Variants in LMOD1 observed in about 807,000 individuals in gnomAD.
LMOD1 encodes leiomodin-1.
Under a neutral mutation model 36.5 loss-of-function variants are expected in LMOD1, and 8 were observed. That is an observed-to-expected ratio of 0.22 (90% CI 0.13 to 0.40). The LOEUF is 0.40. Among genes scored for constraint, LMOD1 ranks in the 10% least tolerant of loss-of-function variants. LMOD1 has a pLI of 1.00. For missense variants in LMOD1, 630 were observed against 751.1 expected (o/e 0.84, Z 1.88); for synonymous variants, 284 against 288.7 (o/e 0.98, Z 0.17).
Position 201,896,542 on chromosome 1 carries a change from G to T in LMOD1, c.*1830C>A, listed in dbSNP as rs1335218933. Reference sequence around the variant, plus strand: ...ATTCTATCTGCAAAATAGAATATTGGTATCCACCTCACAGAGTTGAAGGAT... The same window carrying T: ...ATTCTATCTGCAAAATAGAATATTGTTATCCACCTCACAGAGTTGAAGGAT... On this transcript the variant is annotated 3_prime_UTR_variant, in exon 3 of 3. Coordinates refer to ENST00000367288, the MANE Select transcript of LMOD1 (RefSeq NM_012134.3). 2.2e-6 allele frequency: 1 copy of T among 456,600 alleles called. No individual in the cohort carries two copies. The allele number at this position is 456,600 out of a possible 1,614,324, so 28.3% of individuals were successfully genotyped here. A position where few individuals can be genotyped will look rare whatever the true frequency, so the allele number is the denominator to read the frequency against.
Position 201,900,652 on chromosome 1 carries a change from G to A in LMOD1, c.361C>T (p.Leu121=). 6.2e-7 allele frequency: 1 copy of A among 1,613,778 alleles called. No homozygotes were observed. Among genetic ancestry groups the A allele is most frequent in the Non-Finnish European group, 8.5e-7 (1 of 1,179,894 alleles). ...KALGPRRDSD[L]GKEPKRGGLK... is the part of the protein sequence containing the mutation. ...CCACCCCTCTTTGGCTCCTTCCCCAGATCTGAGTCCCGTCTGGGGCCCAGG... is the reference window on the plus strand; with the variant it reads ...CCACCCCTCTTTGGCTCCTTCCCCAAATCTGAGTCCCGTCTGGGGCCCAGG... The change falls in exon 2 of 3, where the codon CTG becomes TTG. Residue 121 remains leucine (L), a synonymous_variant. Coordinates refer to ENST00000367288, the MANE Select transcript of LMOD1 (RefSeq NM_012134.3).
At chr1:201,912,405 A>T (rs1464287666) in intron 1 of LMOD1, among the ~76,000 whole-genome samples, 3 of 136,620 alleles carry the variant, frequency 2.2e-5, no homozygotes, top group Non-Finnish European at 4.7e-5. Flanking sequence ...AGCTCCCTTC[A>T]CTCCCTCCCT....
intron 1 of LMOD1, among the ~76,000 whole-genome samples, chr1:201,943,333 G>GT (rs1682151646): frequency 6.6e-6 from 1 of 152,214 alleles, no homozygotes; most frequent in Non-Finnish European, 1.5e-5. Flanking sequence ...CCCAAGAATC[G>GT]TAAGGCTTAA....
chr1:201,896,786 A>G lies in LMOD1; in HGVS notation c.*1586T>C. On this transcript the variant is annotated 3_prime_UTR_variant, in exon 3 of 3. Transcript: ENST00000367288. ...GGTGACAGGCAAGTGGGTGGAGGGA[A>G]TGGAGAAGAGTGTACCCTGGGATCT... 6.6e-6 allele frequency: 3 copies of G among 452,692 alleles called. No individual in the cohort carries two copies. Among genetic ancestry groups the G allele is most frequent in the South Asian group, 3.1e-5 (2 of 64,322 alleles). 28.0% of individuals were successfully genotyped at this position (452,692 alleles called of 1,614,324 possible). A position where few individuals can be genotyped will look rare whatever the true frequency, so the allele number is the denominator to read the frequency against.
chr1:201,941,119 T>C (rs889936672), intron 1 of LMOD1, among the ~76,000 whole-genome samples: 1 of 151,758 alleles, frequency 6.6e-6, no homozygotes, highest in Admixed American at 6.6e-5. Context: ...TCTTTTTTTT[T>C]AATTTAATTT....
chr1:201,936,195 G>T (rs969514047), intron 1 of LMOD1, among the ~76,000 whole-genome samples: 28 of 150,574 alleles, frequency 1.9e-4, no homozygotes, highest in Non-Finnish European at 2.9e-4. Context: ...GCATCAGCCA[G>T]TTTCCATTTC....
chr1:201,927,333 C>T (rs889496618), intron 1 of LMOD1, among the ~76,000 whole-genome samples: 4 of 152,134 alleles, frequency 2.6e-5, no homozygotes, highest in Non-Finnish European at 4.4e-5. Flanking sequence ...TTTGGGAGGC[C>T]GAGGTGGGAG....
At chr1:201,902,936 G>A (rs1005143579) in intron 1 of LMOD1, among the ~76,000 whole-genome samples, 4 of 152,218 alleles carry the variant, frequency 2.6e-5, no homozygotes, top group Non-Finnish European at 5.9e-5. Flanking sequence ...CTGTCCAACT[G>A]TGACCCCAGA....
In LMOD1 at chr1:201,900,186, G is replaced by T; in HGVS notation, c.827C>A (p.Pro276His). ...KDDEKVKKNE[P>H]LHEKEAKDDS... The stretch of plus-strand genomic sequence containing the variant: ...ATCCTTGGCTTCCTTTTCATGTAAG[G>T]GTTCATTCTTCTTGACTTTTTCATC... The change falls in exon 2 of 3, where the codon CCC becomes CAC. Residue 276 changes from proline to histidine, a missense_variant. Coordinates refer to ENST00000367288, the MANE Select transcript of LMOD1 (RefSeq NM_012134.3). The T allele has an allele frequency of 1.2e-6, 2 of 1,613,826 alleles. No homozygotes were observed. The highest frequency in any genetic ancestry group is 1.7e-6 in the Non-Finnish European group (2 of 1,179,856).
rs561082019 is a variant in LMOD1 at position 201,917,701 on chromosome 1, C to T, written c.262-16950G>A. Among the ~76,000 whole-genome samples the T allele has an allele frequency of 8.3e-4, 127 of 152,332 alleles. 1 individual carries two copies. The highest frequency in any genetic ancestry group is 1.8e-3 in the Admixed American group (28 of 15,308). ...GCCTGGCTAGTACTTTCTGCTTCTT[C>T]ATTTTATCCCAGCACCAAGGAAAAC... is the stretch of plus-strand genomic sequence containing the variant. On this transcript the variant is annotated intron_variant, in intron 1 of 2. Transcript: ENST00000367288.
chr1:201,926,278 C>T (rs985658815), intron 1 of LMOD1, among the ~76,000 whole-genome samples: 1 of 152,104 alleles, frequency 6.6e-6, no homozygotes, highest in Non-Finnish European at 1.5e-5. Context: ...GTTTCCAGTG[C>T]CCAGTGAGTC....
chr1:201,918,228 C>T (rs1185110635), intron 1 of LMOD1, among the ~76,000 whole-genome samples: 1 of 152,186 alleles, frequency 6.6e-6, no homozygotes, highest in African/African-American at 2.4e-5. Context: ...ACCACGTTCC[C>T]TTCATCCCAC....
intron 1 of LMOD1, among the ~76,000 whole-genome samples, chr1:201,914,492 G>A (rs779476781): frequency 6.6e-6 from 1 of 152,242 alleles, no homozygotes; most frequent in East Asian, 1.9e-4. Flanking sequence ...TGCACAGGAA[G>A]CTTTCAATAA....
intron 1 of LMOD1, among the ~76,000 whole-genome samples, chr1:201,908,780 A>G (rs372415565): frequency 4.0e-4 from 61 of 152,174 alleles, no homozygotes; most frequent in African/African-American, 1.4e-3. Context: ...CCATCCCCAA[A>G]TAACCCACAT....
At chr1:201,936,623 CTCCTTCGG>C (rs2102929851) in intron 1 of LMOD1, among the ~76,000 whole-genome samples, 1 of 152,230 alleles carries the variant, frequency 6.6e-6, no homozygotes, top group South Asian at 2.1e-4. Context: ...CCAAGGCTAG[CTCCTTCGG>C]TCCATTTAGA....
In LMOD1 at chr1:201,896,635, A is replaced by G. The variant is rs8028; in HGVS notation, c.*1737T>C. On this transcript the variant is annotated 3_prime_UTR_variant, in exon 3 of 3. Coordinates refer to ENST00000367288, the MANE Select transcript of LMOD1 (RefSeq NM_012134.3). ...AGCAGGCACAGGGGGGTGCAGTGGG[A>G]CTGACAGTGAGGGCTGACAGTGGAA... is the stretch of plus-strand genomic sequence containing the variant. The G allele has an allele frequency of 0.71, 325,741 of 456,564 alleles. 117,414 individuals carry two copies. Among genetic ancestry groups the G allele is most frequent in the East Asian group, 0.9 (12,896 of 14,386 alleles). 28.3% of individuals were successfully genotyped at this position (456,564 alleles called of 1,614,324 possible).
chr1:201,923,585 G>A (rs755638534), intron 1 of LMOD1, among the ~76,000 whole-genome samples: 10 of 151,992 alleles, frequency 6.6e-5, no homozygotes, highest in South Asian at 2.1e-4. Flanking sequence ...AATTGTAGCC[G>A]GGCACAGTGT....
intron 1 of LMOD1, among the ~76,000 whole-genome samples, chr1:201,901,684 A>G (rs1304565807): frequency 2.1e-5 from 2 of 95,474 alleles, no homozygotes; most frequent in Non-Finnish European, 4.5e-5. Context: ...ACACATATAT[A>G]TATGTGTATA....
intron 1 of LMOD1, among the ~76,000 whole-genome samples, chr1:201,909,545 T>C (rs2102913722): frequency 6.6e-6 from 1 of 152,320 alleles, no homozygotes; most frequent in East Asian, 1.9e-4. Context: ...ATACCTGGCC[T>C]TGAGCCCATA....
Sources: gnomAD v4.1 joint callset for allele counts (sites outside exome capture counted in the v4.1 genomes callset) on GRCh38, gnomAD v4.1.1 for gene constraint, MANE v1.5 for transcripts, NCBI Gene and HGNC (gene_info 2026-07-23, HGNC 2026-07-21) for gene names.